Variants in HTR1F observed in about 807,000 individuals in gnomAD.
HTR1F encodes the protein 5-hydroxytryptamine receptor 1F.
Under a neutral mutation model 24.0 loss-of-function variants are expected in HTR1F, and 17 were observed. The ratio of observed to expected loss-of-function variants is 0.71; its 90% CI spans 0.48 to 1.06. The LOEUF (loss-of-function observed/expected upper bound fraction) is 1.06. Among genes scored for constraint, HTR1F ranks in the 50% least tolerant of loss-of-function variants. HTR1F has a pLI of 0.00. For synonymous variants in HTR1F, 186 were observed against 156.8 expected, an observed-to-expected ratio of 1.19 and a Z score of -1.39; for missense variants, 391 against 427.8, an observed-to-expected ratio of 0.91 and a Z score of 0.76.
At chr3:87,921,034 T>A (rs775666679) in intron 2 of HTR1F, among the ~76,000 whole-genome samples, 5 of 152,036 alleles carry the variant, frequency 3.3e-5, no homozygotes, top group Admixed American at 2.6e-4. Flanking sequence ...TTAATGTAAT[T>A]CTACATATTA....
At chr3:87,854,918 T>C (rs1705165805) in intron 2 of HTR1F, among the ~76,000 whole-genome samples, 1 of 151,540 alleles carries the variant, frequency 6.6e-6, no homozygotes, top group African/African-American at 2.4e-5. Context: ...TTTAAATATT[T>C]TTTGTTGTTG....
intron 2 of HTR1F, among the ~76,000 whole-genome samples, chr3:87,864,823 G>C (rs1705389269): frequency 1.3e-5 from 2 of 150,672 alleles, no homozygotes; most frequent in South Asian, 4.2e-4. Flanking sequence ...TTGAACCTGG[G>C]AGGCAAAGGT....
intron 2 of HTR1F, among the ~76,000 whole-genome samples, chr3:87,984,249 A>T (rs1442363961): frequency 1.3e-5 from 2 of 152,204 alleles, no homozygotes; most frequent in Non-Finnish European, 2.9e-5. Context: ...ATCCCTCACC[A>T]GTATTTCCAG....
intron 1 of HTR1F, among the ~76,000 whole-genome samples, chr3:87,814,609 T>C (rs531336114): frequency 6.6e-6 from 1 of 152,284 alleles, no homozygotes; most frequent in African/African-American, 2.4e-5. Context: ...TTAAGACTTC[T>C]ATTATCCATC....
intron 2 of HTR1F, among the ~76,000 whole-genome samples, chr3:87,865,627 T>C (rs1015643514): frequency 1.3e-5 from 2 of 152,214 alleles, no homozygotes; most frequent in East Asian, 3.8e-4. Context: ...GTGAGAATCA[T>C]AAAAATTGTT....
chr3:87,948,302 T>A (rs1704757248), intron 2 of HTR1F, among the ~76,000 whole-genome samples: 1 of 152,170 alleles, frequency 6.6e-6, no homozygotes, highest in African/African-American at 2.4e-5. Context: ...GCTATATAGT[T>A]AATTAGAAAG....
At chr3:87,957,507 C>T (rs1253199965) in intron 2 of HTR1F, among the ~76,000 whole-genome samples, 1 of 151,190 alleles carries the variant, frequency 6.6e-6, no homozygotes, top group Admixed American at 6.6e-5. Flanking sequence ...TCTATTTACT[C>T]AAGGCATTTG....
At chr3:87,936,957 T>C (rs1407652137) in intron 2 of HTR1F, among the ~76,000 whole-genome samples, 1 of 150,904 alleles carries the variant, frequency 6.6e-6, no homozygotes, top group African/African-American at 2.4e-5. Context: ...AGACCAATAA[T>C]GAGCTCCAAA....
chr3:87,819,148 T>C (rs1704305912), intron 1 of HTR1F, among the ~76,000 whole-genome samples: 1 of 152,232 alleles, frequency 6.6e-6, no homozygotes, highest in African/African-American at 2.4e-5. Context: ...GCATGTTTAG[T>C]ATCAGCAATA....
chr3:87,820,228 G>C (rs1475250100), intron 1 of HTR1F, among the ~76,000 whole-genome samples: 1 of 145,048 alleles, frequency 6.9e-6, no homozygotes, highest in African/African-American at 2.6e-5. Flanking sequence ...CCAGGCTGGA[G>C]TGCAGTGGCA....
At chr3:87,910,075 T>C (rs949372366) in intron 2 of HTR1F, 37 of 152,142 alleles carry the variant, frequency 2.4e-4, no homozygotes, top group African/African-American at 8.7e-4. Context: ...TTTAACTGTT[T>C]AAATATCTAA....
chr3:87,874,348 T>C (rs1178308679), intron 2 of HTR1F, among the ~76,000 whole-genome samples: 1 of 151,906 alleles, frequency 6.6e-6, no homozygotes, highest in East Asian at 1.9e-4. Flanking sequence ...ACACTAACAA[T>C]GAACAATCTG....
chr3:87,958,776 G>A (rs1179306668), intron 2 of HTR1F, among the ~76,000 whole-genome samples: 1 of 151,340 alleles, frequency 6.6e-6, no homozygotes, highest in Non-Finnish European at 1.5e-5. Context: ...CATCTCTCTT[G>A]CCAATCTGAT....
intron 2 of HTR1F, among the ~76,000 whole-genome samples, chr3:87,973,832 T>C (rs1705337663): frequency 6.6e-6 from 1 of 152,182 alleles, no homozygotes; most frequent in South Asian, 2.1e-4. Flanking sequence ...TAATGGGAAA[T>C]ACCGACGGCA....
chr3:87,871,636 C>CA (rs940301836), intron 2 of HTR1F, among the ~76,000 whole-genome samples: 3 of 150,034 alleles, frequency 2.0e-5, no homozygotes, highest in East Asian at 2.0e-4. Context: ...AAGTGAAAAG[C>CA]AAAAAAAAAT....
chr3:87,967,253 C>A (rs1038762256), intron 2 of HTR1F, among the ~76,000 whole-genome samples: 3 of 152,112 alleles, frequency 2.0e-5, no homozygotes, highest in African/African-American at 7.2e-5. Context: ...AGTTTGAGAT[C>A]AGCCTTGCCA....
intron 2 of HTR1F, among the ~76,000 whole-genome samples, chr3:87,969,287 G>C (rs552039798): frequency 6.6e-6 from 1 of 152,292 alleles, no homozygotes; most frequent in South Asian, 2.1e-4. Context: ...GCTTGCGCCT[G>C]TGTGCCAGGA....
chr3:87,812,237 C>A (rs1269890226), intron 1 of HTR1F, among the ~76,000 whole-genome samples: 1 of 152,044 alleles, frequency 6.6e-6, no homozygotes, highest in Non-Finnish European at 1.5e-5. Flanking sequence ...TTGGAGGGCT[C>A]AGAAGACAGG....
chr3:87,869,898 A>C (rs1705517839), intron 2 of HTR1F, among the ~76,000 whole-genome samples: 1 of 152,142 alleles, frequency 6.6e-6, no homozygotes, highest in South Asian at 2.1e-4. Context: ...TAAATTAACC[A>C]TCATAGTTGC....
Sources: allele counts gnomAD v4.1 joint callset (sites outside exome capture counted in the v4.1 genomes callset), GRCh38; gene constraint gnomAD v4.1.1; transcripts MANE v1.5; gene names NCBI Gene and HGNC (gene_info 2026-07-23, HGNC 2026-07-21).